AFAP1: variants seen among roughly 807,000 people sequenced by gnomAD.
The protein encoded by AFAP1 is actin filament-associated protein 1.
A neutral mutation model predicts 93.9 loss-of-function variants in AFAP1; 75 were observed. The ratio of observed to expected loss-of-function variants is 0.80; its 90% CI spans 0.66 to 0.97. AFAP1 has a LOEUF of 0.97. Ranked by LOEUF, AFAP1 falls within the 50% of genes least tolerant of loss-of-function variation. The pLI is 0.00. For missense variants in AFAP1, 1,201 were observed against 1,050.8 expected, an observed-to-expected ratio of 1.14 and a Z score of -1.98; for synonymous variants, 517 against 430.7, an observed-to-expected ratio of 1.20 and a Z score of -2.48.
At chr4:7,909,396 C>G (rs1054429687) in intron 1 of AFAP1, among the ~76,000 whole-genome samples, 2 of 152,194 alleles carry the variant, frequency 1.3e-5, no homozygotes, top group African/African-American at 4.8e-5. Context: ...GTGGTACAAA[C>G]AAGAGTTCAA....
In AFAP1 at chr4:7,911,117, T is replaced by C. The variant is rs114722536; in HGVS notation, c.-3+28539A>G. ...TTACTTGTCATGCTGGTCATTTCTA[T>C]GAGCAGATGGGTTGAGAAAGACTTG... On this transcript the variant is annotated intron_variant, in intron 1 of 17. Coordinates refer to ENST00000420658, the MANE Select transcript of AFAP1 (RefSeq NM_001134647.2). Among the ~76,000 whole-genome samples, 1,110 of 152,284 alleles carry C rather than the reference T, an allele frequency of 7.3e-3. 8 individuals carry two copies. The highest frequency in any genetic ancestry group is 0.024 in the African/African-American group (998 of 41,562).
chr4:7,885,894 G>C (rs1217270328), intron 1 of AFAP1, among the ~76,000 whole-genome samples: 1 of 152,176 alleles, frequency 6.6e-6, no homozygotes. Context: ...GTGTTCCAAA[G>C]GGTATCAGAA....
At position 7,800,462 on chromosome 4, in the gene AFAP1, G is replaced by C; in HGVS notation, c.1246C>G (p.Gln416Glu). The C allele has an allele frequency of 5.6e-6, 9 of 1,614,178 alleles. No homozygotes were observed. The highest frequency in any genetic ancestry group is 6.8e-6 in the Non-Finnish European group (8 of 1,180,030). The change falls in exon 10 of 18, where the codon CAG (glutamine) becomes GAG (glutamate). Residue 416 changes from glutamine to glutamate, a missense_variant. Coordinates refer to ENST00000420658, the MANE Select transcript of AFAP1 (RefSeq NM_001134647.2). Reference protein sequence around the residue: ...PLTFRLLRNGQEVAVLEASSS... With the variant: ...PLTFRLLRNGEEVAVLEASSS... Reference sequence around the variant, plus strand: ...CCTACCTCCAATACTGCAACCTCCTGGCCGTTGCGCAGCAGCCGGAACGTC... The same window carrying C: ...CCTACCTCCAATACTGCAACCTCCTCGCCGTTGCGCAGCAGCCGGAACGTC...
At chr4:7,894,237 G>T (rs180787187) in intron 1 of AFAP1, among the ~76,000 whole-genome samples, 4 of 152,088 alleles carry the variant, frequency 2.6e-5, no homozygotes, top group African/African-American at 9.7e-5. Flanking sequence ...ACACAGACAC[G>T]TCCATTCATT....
At chr4:7,847,810 T>C (rs1577289359) in intron 4 of AFAP1, among the ~76,000 whole-genome samples, 1 of 147,296 alleles carries the variant, frequency 6.8e-6, no homozygotes, top group Non-Finnish European at 1.5e-5. Context: ...GGGCATTGAT[T>C]AGATACCATC....
intron 13 of AFAP1, 55 bp downstream of exon 13, chr4:7,781,321 T>C (rs1716745163): frequency 1.8e-5 from 28 of 1,533,824 alleles, no homozygotes; most frequent in Non-Finnish European, 2.4e-5. Flanking sequence ...AAAACTCTGT[T>C]GGAGCAATGT....
chr4:7,910,969 T>A (rs1719690716), intron 1 of AFAP1, among the ~76,000 whole-genome samples: 1 of 152,116 alleles, frequency 6.6e-6, no homozygotes, highest in South Asian at 2.1e-4. Flanking sequence ...CTTCTTCCTC[T>A]CACTTTTTTC....
At chr4:7,914,569 T>G (rs1426584053) in intron 1 of AFAP1, among the ~76,000 whole-genome samples, 1 of 152,158 alleles carries the variant, frequency 6.6e-6, no homozygotes, top group Non-Finnish European at 1.5e-5. Context: ...GCTGATTCCA[T>G]ATCTTGGCTA....
At chr4:7,835,964 T>G (rs919318065) in intron 6 of AFAP1, among the ~76,000 whole-genome samples, 4 of 152,092 alleles carry the variant, frequency 2.6e-5, no homozygotes, top group Non-Finnish European at 5.9e-5. Context: ...CCCCCAAGTG[T>G]GCGGGAGAGG....
chr4:7,768,763 C>T lies in AFAP1; in HGVS notation c.2418+81G>A, dbSNP rs553074149. 9 of 1,431,770 alleles carry T rather than the reference C, an allele frequency of 6.3e-6. No homozygotes were observed. In the South Asian group the frequency reaches 1.1e-4, roughly 18 times the overall value. The allele number at this position is 1,431,770 out of a possible 1,614,324, so 88.7% of individuals were successfully genotyped here. The stretch of plus-strand genomic sequence containing the variant: ...TGGATGCAGTAGGAAGAAGAATGGG[C>T]TCCCTACTCACACCCGAGAATGCTG... On this transcript the variant is annotated intron_variant, in intron 17 of 17. Coordinates refer to ENST00000420658, the MANE Select transcript of AFAP1 (RefSeq NM_001134647.2).
intron 1 of AFAP1, among the ~76,000 whole-genome samples, chr4:7,925,975 C>T (rs1720710216): frequency 6.6e-6 from 1 of 152,182 alleles, no homozygotes; most frequent in African/African-American, 2.4e-5. Flanking sequence ...TGGAATCCCA[C>T]ATGTAAAATA....
chr4:7,809,558 A>C (rs2149050342), intron 9 of AFAP1, 56 bp downstream of exon 9: 1 of 1,564,924 alleles, frequency 6.4e-7, no homozygotes, highest in East Asian at 2.3e-5. Context: ...CCACTGCAGG[A>C]GAAAATGAAA....
chr4:7,909,817 G>A, intron 1 of AFAP1, among the ~76,000 whole-genome samples: 1 of 152,122 alleles, frequency 6.6e-6, no homozygotes, highest in East Asian at 1.9e-4. Context: ...CAACTGGTCT[G>A]GAGTCAGCAT....
intron 1 of AFAP1, among the ~76,000 whole-genome samples, chr4:7,937,523 A>AT (rs1423914722): frequency 6.6e-6 from 1 of 152,138 alleles, no homozygotes; most frequent in Admixed American, 6.5e-5. Flanking sequence ...GTCTTACTCT[A>AT]TCGCCCAGGC....
intron 1 of AFAP1, among the ~76,000 whole-genome samples, chr4:7,927,872 C>T (rs1476503012): frequency 1.3e-5 from 2 of 152,170 alleles, no homozygotes; most frequent in Non-Finnish European, 2.9e-5. Context: ...TTGCCCCAAA[C>T]ACATAGCAGA....
chr4:7,875,731 C>T (rs1717461014), intron 1 of AFAP1, among the ~76,000 whole-genome samples: 2 of 151,932 alleles, frequency 1.3e-5, no homozygotes, highest in African/African-American at 2.4e-5. Context: ...GTGGTATATA[C>T]ATACAATGAA....
chr4:7,853,154 T>G (rs1714653232), intron 4 of AFAP1, among the ~76,000 whole-genome samples: 1 of 151,972 alleles, frequency 6.6e-6, no homozygotes, highest in African/African-American at 2.4e-5. Flanking sequence ...AAAATTCCCT[T>G]TCTTAGATGA....
rs1273489940 is a variant in AFAP1 at position 7,870,692 on chromosome 4, A to G, written c.127+1260T>C. ...AAAAGTTAATATTTCATATTACCCC[A>G]GAATAGGGTCCCTATCCTGCTTTCT... On this transcript the variant is annotated intron_variant, in intron 2 of 17. Coordinates refer to ENST00000420658, the MANE Select transcript of AFAP1 (RefSeq NM_001134647.2). Among the ~76,000 whole-genome samples the G allele has an allele frequency of 2.0e-5, 3 of 152,108 alleles. No homozygotes were observed. The East Asian group carries it at 5.8e-4, about 29-fold the overall frequency.
intron 15 of AFAP1, 59 bp downstream of exon 15, chr4:7,774,680 G>A (rs1715905649): frequency 6.4e-7 from 1 of 1,572,152 alleles, no homozygotes; most frequent in Non-Finnish European, 8.6e-7. Context: ...AAAGCAGAAT[G>A]AAATCTCCAG....
Sources: allele counts gnomAD v4.1 joint callset (sites outside exome capture counted in the v4.1 genomes callset), GRCh38; gene constraint gnomAD v4.1.1; transcripts MANE v1.5; gene names NCBI Gene and HGNC (gene_info 2026-07-23, HGNC 2026-07-21).